The following CHST13 variants were observed in gnomAD, a reference collection of about 807,000 sequenced individuals.
The protein encoded by CHST13 is carbohydrate sulfotransferase 13.
A neutral mutation model predicts 7.0 loss-of-function variants in CHST13; 1 was observed. The observed-to-expected ratio is 0.14, with a 90% CI of 0.05 to 0.68. The LOEUF (loss-of-function observed/expected upper bound fraction) is 0.68. Ranked by LOEUF, CHST13 falls within the 30% of genes least tolerant of loss-of-function variation. The probability of loss-of-function intolerance (pLI) is 0.82; values close to 1 mark genes in which losing one functional copy is unlikely to be tolerated. For missense variants in CHST13, 572 were observed against 507.9 expected, an observed-to-expected ratio of 1.13 and a Z score of -1.21; for synonymous variants, 257 against 240.9, an observed-to-expected ratio of 1.07 and a Z score of -0.62.
chr3:126,537,563 C>T (rs1429758742), intron 2 of CHST13, among the ~76,000 whole-genome samples: 1 of 152,138 alleles, frequency 6.6e-6, no homozygotes, highest in Non-Finnish European at 1.5e-5. Flanking sequence ...GGGAGGCCTT[C>T]CTTCGCAGAG....
chr3:126,534,852 T>G (rs529921421), intron 1 of CHST13, among the ~76,000 whole-genome samples: 1 of 144,048 alleles, frequency 6.9e-6, no homozygotes, highest in Non-Finnish European at 1.5e-5. Context: ...ATCCCTGTCC[T>G]CAGCTGGGAG....
intron 1 of CHST13, among the ~76,000 whole-genome samples, chr3:126,532,747 G>T (rs1936684067): frequency 6.6e-6 from 1 of 152,138 alleles, no homozygotes; most frequent in South Asian, 2.1e-4. Context: ...TGGATATTCT[G>T]AATCCCTTCA....
intron 1 of CHST13, among the ~76,000 whole-genome samples, chr3:126,535,157 G>GA (rs1261737174): frequency 2.0e-4 from 28 of 139,498 alleles, no homozygotes; most frequent in East Asian, 6.9e-4. Flanking sequence ...TCCCCAGCCG[G>GA]GAGACAGACA....
intron 1 of CHST13, among the ~76,000 whole-genome samples, chr3:126,533,021 ATGT>A (rs1936690055): frequency 6.6e-6 from 1 of 151,930 alleles, no homozygotes. Flanking sequence ...ATTAATTTTG[ATGT>A]TGTTTGATTA....
chr3:126,529,127 C>G (rs974854070), intron 1 of CHST13: 21 of 414,540 alleles, frequency 5.1e-5, no homozygotes, highest in South Asian at 2.0e-4. Context: ...TGGCTGTGCC[C>G]TCACCCTGCA....
At chr3:126,524,562 C>T (rs1576742291) in intron 1 of CHST13, 133 bp downstream of exon 1, 3 of 362,788 alleles carry the variant, frequency 8.3e-6, no homozygotes, top group Admixed American at 4.7e-5. Context: ...GGGTGGCGGG[C>T]AGGGGCGCTG....
intron 1 of CHST13, among the ~76,000 whole-genome samples, chr3:126,533,357 TTTTTCG>T (rs1936697726): frequency 6.6e-6 from 1 of 152,054 alleles, no homozygotes; most frequent in Admixed American, 6.5e-5. Context: ...TATCTGAGGG[TTTTTCG>T]TTGATGCCCT....
At chr3:126,537,430 G>A (rs1437475343) in intron 2 of CHST13, among the ~76,000 whole-genome samples, 1 of 152,230 alleles carries the variant, frequency 6.6e-6, no homozygotes, top group Non-Finnish European at 1.5e-5. Flanking sequence ...CACCCTTGGG[G>A]TATCCCTACT....
intron 1 of CHST13, among the ~76,000 whole-genome samples, chr3:126,532,815 T>C (rs1198113549): frequency 6.6e-6 from 1 of 152,210 alleles, no homozygotes; most frequent in Non-Finnish European, 1.5e-5. Context: ...GCAGCTGGGA[T>C]TTTGACAGGA....
intron 1 of CHST13, among the ~76,000 whole-genome samples, chr3:126,534,599 C>T (rs1936725168): frequency 1.3e-5 from 2 of 151,132 alleles, no homozygotes; most frequent in African/African-American, 4.9e-5. Flanking sequence ...CATCTCTGTC[C>T]TCAGCTGGGA....
intron 1 of CHST13, among the ~76,000 whole-genome samples, chr3:126,525,530 C>T (rs1936521219): frequency 6.6e-6 from 1 of 152,126 alleles, no homozygotes; most frequent in South Asian, 2.1e-4. Context: ...TCCAGCACCC[C>T]CACAACCCCT....
At chr3:126,539,503 A>ACACACACCC (rs113853159) in intron 2 of CHST13, among the ~76,000 whole-genome samples, 1 of 147,304 alleles carries the variant, frequency 6.8e-6, no homozygotes, top group Non-Finnish European at 1.5e-5. Flanking sequence ...ACCCCACACC[A>ACACACACCC]CACACACCCC....
intron 1 of CHST13, among the ~76,000 whole-genome samples, chr3:126,525,698 C>T (rs1936524675): frequency 6.6e-6 from 1 of 152,084 alleles, no homozygotes; most frequent in South Asian, 2.1e-4. Context: ...GCTACTGGCC[C>T]CTCAGGGCTC....
intron 2 of CHST13, among the ~76,000 whole-genome samples, chr3:126,537,781 G>A (rs1044859355): frequency 2.0e-5 from 3 of 152,366 alleles, no homozygotes; most frequent in African/African-American, 7.2e-5. Context: ...TGGCCAACAA[G>A]TGCTGATCAC....
At chr3:126,541,639 CAAT>C in intron 2 of CHST13, 91 bp from the exon 3 acceptor site, 1 of 1,224,494 alleles carries the variant, frequency 8.2e-7, no homozygotes, top group Non-Finnish European at 1.1e-6. Flanking sequence ...CTCCTGCTCC[CAAT>C]TCCCGGGCGC....
chr3:126,528,216 A>G (rs1222832205), intron 1 of CHST13, among the ~76,000 whole-genome samples: 1 of 151,942 alleles, frequency 6.6e-6, no homozygotes, highest in South Asian at 2.1e-4. Flanking sequence ...TCAGTCATGA[A>G]TAGTCTTGAA....
chr3:126,529,974 C>T (rs541945583), intron 1 of CHST13, among the ~76,000 whole-genome samples: 23 of 152,272 alleles, frequency 1.5e-4, no homozygotes, highest in African/African-American at 4.3e-4. Flanking sequence ...AGTGGAGGGA[C>T]GGGGGTACAG....
chr3:126,524,371 CG>C lies in CHST13; in HGVS notation c.40del (p.Ala14ProfsTer64). The C allele has an allele frequency of 8.1e-7, 1 of 1,236,100 alleles. No homozygotes were observed. Among genetic ancestry groups the C allele is most frequent in the South Asian group, 3.5e-5 (1 of 28,684 alleles). The allele number at this position is 1,236,100 out of a possible 1,614,324, so 76.6% of individuals were successfully genotyped here. A position where few individuals can be genotyped will look rare whatever the true frequency, so the allele number is the denominator to read the frequency against. On this transcript the variant is annotated frameshift_variant, in exon 1 of 3. Coordinates refer to ENST00000319340, the MANE Select transcript of CHST13 (RefSeq NM_152889.3). LOFTEE classifies it high-confidence loss of function. ...GCTGCCGGCGGCGCGTGCTGGCGGCCGCCTGTCTGGGCGCCGCGCTCCTGCT... is the reference window on the plus strand; with the variant it reads ...GCTGCCGGCGGCGCGTGCTGGCGGCCCCTGTCTGGGCGCCGCGCTCCTGCT... ...RCCRRRVLAA[A>X]CLGAALLLLC... is the part of the protein sequence containing the mutation.
intron 1 of CHST13, among the ~76,000 whole-genome samples, chr3:126,535,944 G>C (rs534385259): frequency 6.6e-6 from 1 of 152,238 alleles, no homozygotes; most frequent in Non-Finnish European, 1.5e-5. Flanking sequence ...GATGGCAGTG[G>C]GTGAGTTTGG....
Sources: gnomAD v4.1 joint callset for allele counts (sites outside exome capture counted in the v4.1 genomes callset) on GRCh38, gnomAD v4.1.1 for gene constraint, MANE v1.5 for transcripts, NCBI Gene and HGNC (gene_info 2026-07-23, HGNC 2026-07-21) for gene names.